The following MLKL variants were observed in gnomAD, a reference collection of about 807,000 sequenced individuals.
MLKL encodes mixed lineage kinase domain like pseudokinase, also known as mixed lineage kinase domain-like protein.
Under a neutral mutation model 56.5 loss-of-function variants are expected in MLKL, and 55 were observed. The observed-to-expected ratio is 0.97, with a 90% CI of 0.78 to 1.22. MLKL has a LOEUF of 1.22. MLKL is among the 50% of genes most tolerant of loss of function. The pLI, the probability that MLKL is intolerant of heterozygous loss-of-function variation, is 0.00. For missense variants in MLKL, 694 were observed against 573.9 expected (o/e 1.21, Z -2.14); for synonymous variants, 251 against 208.3 (o/e 1.20, Z -1.76).
At chr16:74,676,170 T>C in intron 7 of MLKL, 1 of 904,604 alleles carries the variant, frequency 1.1e-6, no homozygotes, top group East Asian at 1.1e-4. Flanking sequence ...GCTCGCCTTT[T>C]CCCAAAGAAG....
At chr16:74,680,837 C>A (rs768039164) in intron 6 of MLKL, among the ~76,000 whole-genome samples, 4 of 152,010 alleles carry the variant, frequency 2.6e-5, no homozygotes, top group Non-Finnish European at 4.4e-5. Flanking sequence ...CTGCCAATAT[C>A]TCCAATATCT....
chr16:74,681,751 G>C (rs1255997551), intron 6 of MLKL, among the ~76,000 whole-genome samples: 1 of 151,630 alleles, frequency 6.6e-6, no homozygotes, highest in African/African-American at 2.4e-5. Flanking sequence ...CCGAGATCGT[G>C]CCACTGCACT....
intron 9 of MLKL, 56 bp downstream of exon 9, chr16:74,675,299 C>T: frequency 6.2e-7 from 1 of 1,611,986 alleles, no homozygotes; most frequent in South Asian, 1.1e-5. Flanking sequence ...AATTTCTGGT[C>T]TACTGGAAGG....
chr16:74,690,326 T>C (rs184501278), intron 4 of MLKL, among the ~76,000 whole-genome samples: 1 of 152,108 alleles, frequency 6.6e-6, no homozygotes, highest in Admixed American at 6.5e-5. Flanking sequence ...TTCTGAAGAG[T>C]TGCCTGGTAG....
chr16:74,696,998 CATAT>C lies in MLKL; in HGVS notation c.-2-1243_-2-1240del, dbSNP rs974506217. 3.2e-4 allele frequency among the ~76,000 whole-genome samples: 46 copies of C among 145,254 alleles called. No homozygotes were observed. In the East Asian group the frequency reaches 5.3e-3, roughly 17 times the overall value. On this transcript the variant is annotated intron_variant, in intron 1 of 10. Transcript: ENST00000308807. ...ATGTAATATTACATATATAGTAATA[CATAT>C]ATATAATATTACATATATATAGTAA... is the stretch of plus-strand genomic sequence containing the variant.
intron 6 of MLKL, among the ~76,000 whole-genome samples, chr16:74,679,984 C>A (rs1959840878): frequency 6.6e-6 from 1 of 152,106 alleles, no homozygotes; most frequent in Non-Finnish European, 1.5e-5. Context: ...CCTGTGGGCA[C>A]AATTACACCT....
At position 74,698,260 on chromosome 16, in the gene MLKL, GT is replaced by G. The variant is rs557913880; in HGVS notation, c.-3+2192del. On this transcript the variant is annotated intron_variant, in intron 1 of 10. Transcript: ENST00000308807. ...CAAACGACAACAAAAAACAAAGTTA[GT>G]TTTTTTTTTTTTAACAGCTCAGTGA... is the stretch of plus-strand genomic sequence containing the variant. 3.4e-3 allele frequency among the ~76,000 whole-genome samples: 490 copies of G among 145,770 alleles called. 4 individuals are homozygous for G. Among genetic ancestry groups the G allele is most frequent in the Middle Eastern group, 0.014 (4 of 280 alleles).
intron 1 of MLKL, 47 bp from the exon 2 acceptor site, chr16:74,695,806 T>A (rs754900159): frequency 1.4e-6 from 2 of 1,478,624 alleles, no homozygotes; most frequent in Non-Finnish European, 9.1e-7. Flanking sequence ...ATCTCCTGCA[T>A]ATTCACTACT....
Position 74,682,878 on chromosome 16 carries a change from A to T in MLKL, c.821-92T>A, listed in dbSNP as rs186605060. On this transcript the variant is annotated intron_variant, in intron 5 of 10. Transcript: ENST00000308807. ...CCTCTCCCAGCCTCGGTACAGATAC[A>T]GACTTGGCTCTGCTGAGTCCCATTT... 4.6e-4 allele frequency: 671 copies of T among 1,474,422 alleles called. 2 individuals carry two copies. The Middle Eastern group carries it at 6.5e-3, about 14-fold the overall frequency. The allele number at this position is 1,474,422 out of a possible 1,614,324, so 91.3% of individuals were successfully genotyped here. A position where few individuals can be genotyped will look rare whatever the true frequency, so the allele number is the denominator to read the frequency against.
intron 4 of MLKL, among the ~76,000 whole-genome samples, chr16:74,688,306 G>A (rs1428155249): frequency 1.3e-5 from 2 of 152,160 alleles, no homozygotes; most frequent in Non-Finnish European, 2.9e-5. Context: ...TGGGACATGT[G>A]AATATCAACA....
chr16:74,693,887 GC>G (rs1345847746), intron 2 of MLKL, among the ~76,000 whole-genome samples: 2 of 152,168 alleles, frequency 1.3e-5, no homozygotes, highest in African/African-American at 4.8e-5. Flanking sequence ...ACAGGCGTGA[GC>G]CACCCCGCCT....
Position 74,672,063 on chromosome 16 carries a change from T to C in MLKL, c.*441A>G, listed in dbSNP as rs8998. ...TCTCCAGCATGCTCACTCAACATGTTCATGGCTGGGTAAGGTTCCAACAGA... is the reference window on the plus strand; with the variant it reads ...TCTCCAGCATGCTCACTCAACATGTCCATGGCTGGGTAAGGTTCCAACAGA... On this transcript the variant is annotated 3_prime_UTR_variant, in exon 11 of 11. Coordinates refer to ENST00000308807, the MANE Select transcript of MLKL (RefSeq NM_152649.4). 0.14 allele frequency: 21,139 copies of C among 156,180 alleles called. 1,672 individuals are homozygous for C. The highest frequency in any genetic ancestry group is 0.24 in the Admixed American group (3,814 of 15,798). 9.7% of individuals were successfully genotyped at this position (156,180 alleles called of 1,614,324 possible). A position where few individuals can be genotyped will look rare whatever the true frequency, so the allele number is the denominator to read the frequency against.
At chr16:74,689,689 G>A (rs1054160808) in intron 4 of MLKL, among the ~76,000 whole-genome samples, 4 of 152,026 alleles carry the variant, frequency 2.6e-5, no homozygotes, top group Admixed American at 1.3e-4. Flanking sequence ...TACAAAAACA[G>A]ACAAATTGAT....
chr16:74,673,515 G>A (rs74567837), intron 10 of MLKL, among the ~76,000 whole-genome samples: 4 of 152,024 alleles, frequency 2.6e-5, no homozygotes, highest in Non-Finnish European at 4.4e-5. Flanking sequence ...ACTGCACCCG[G>A]CCCCTTCTCT....
At chr16:74,693,103 A>G (rs979594947) in intron 2 of MLKL, among the ~76,000 whole-genome samples, 18 of 152,184 alleles carry the variant, frequency 1.2e-4, no homozygotes, top group Non-Finnish European at 1.5e-5. Flanking sequence ...AAATGCCTAC[A>G]GTCTTTGACC....
At position 74,682,638 on chromosome 16, in the gene MLKL, CACCCCGTCTT is replaced by C. The variant is rs1750814464; in HGVS notation, c.956+3_956+12del. 2.5e-6 allele frequency: 4 copies of C among 1,613,438 alleles called. No individual in the cohort carries two copies. In the African/African-American group the frequency reaches 5.3e-5, roughly 22 times the overall value. The stretch of plus-strand genomic sequence containing the variant: ...CATCCAACCCTTAGTGGCGCCTTTT[CACCCCGTCTT>C]ACCGGTATAGGCCTCGGGCTGCCCC... On this transcript the variant is annotated splice_donor_5th_base_variant and intron_variant, in intron 6 of 10. Transcript: ENST00000308807.
At chr16:74,675,211 A>C (rs1164219316) in intron 9 of MLKL, 111 bp from the exon 10 acceptor site, 3 of 1,553,430 alleles carry the variant, frequency 1.9e-6, no homozygotes, top group Admixed American at 1.8e-5. Flanking sequence ...AAACAACAAG[A>C]ACTTCCAACG....
At chr16:74,680,652 G>A (rs1232388971) in intron 6 of MLKL, among the ~76,000 whole-genome samples, 2 of 152,106 alleles carry the variant, frequency 1.3e-5, no homozygotes, top group African/African-American at 4.8e-5. Context: ...GACTATAGGT[G>A]CGTGCCATCA....
At position 74,675,707 on chromosome 16, in the gene MLKL, C is replaced by T; in HGVS notation, c.1096G>A (p.Glu366Lys). 1.9e-6 allele frequency: 3 copies of T among 1,614,176 alleles called. No homozygotes were observed. Among genetic ancestry groups the T allele is most frequent in the Non-Finnish European group, 2.5e-6 (3 of 1,180,044 alleles). ...QTSMSLGTTR[E>K]KTDRVKSTAY... ...GTAGATTTGACTCTGTCTGTCTTTT[C>T]TCTCGTAGTTCCCAAACTCATGGAA... is the stretch of plus-strand genomic sequence containing the variant. Residue 366 changes from glutamate to lysine, a missense_variant, in exon 8 of 11, where the codon GAA becomes AAA. Transcript: ENST00000308807.
Sources: allele counts gnomAD v4.1 joint callset (sites outside exome capture counted in the v4.1 genomes callset), GRCh38; gene constraint gnomAD v4.1.1; transcripts MANE v1.5; gene names NCBI Gene and HGNC (gene_info 2026-07-23, HGNC 2026-07-21).